GPR153: variants seen among roughly 807,000 people sequenced by gnomAD.
GPR153 encodes probable G protein-coupled receptor 153.
A neutral mutation model predicts 34.1 loss-of-function variants in GPR153; 27 were observed. The observed-to-expected ratio is 0.79, with a 90% CI of 0.58 to 1.09. GPR153 has a LOEUF of 1.09. GPR153 is among the 50% of genes least tolerant of loss of function. The pLI is 0.00. For missense variants in GPR153, 848 were observed against 860.2 expected, an observed-to-expected ratio of 0.99 and a Z score of 0.18; for synonymous variants, 408 against 405.4, an observed-to-expected ratio of 1.01 and a Z score of -0.08.
chr1:6,255,699 C>T (rs1448087464), intron 1 of GPR153, among the ~76,000 whole-genome samples: 1 of 128,326 alleles, frequency 7.8e-6, no homozygotes, highest in Non-Finnish European at 1.6e-5. Flanking sequence ...GTCACCCAGG[C>T]TGGAGTGCAA....
chr1:6,250,319 T>C (rs1471273827), intron 5 of GPR153, 121 bp downstream of exon 5: 1 of 1,447,516 alleles, frequency 6.9e-7, no homozygotes, highest in African/African-American at 1.4e-5. Context: ...CGTCCTCGGA[T>C]GGTGACAGCC....
At chr1:6,250,681 G>A in intron 4 of GPR153, 57 bp from the exon 5 acceptor site, 4 of 714,790 alleles carry the variant, frequency 5.6e-6, no homozygotes, top group East Asian at 3.5e-5. Flanking sequence ...AAACTTGGGG[G>A]CATCTGGGAG....
In GPR153 at chr1:6,250,392, A is replaced by T. The variant is rs986810364; in HGVS notation, c.1164+48T>A. 4 of 1,519,808 alleles carry T rather than the reference A, an allele frequency of 2.6e-6. No individual in the cohort carries two copies. In the African/African-American group the frequency reaches 5.5e-5, roughly 21 times the overall value. 94.1% of individuals were successfully genotyped at this position (1,519,808 alleles called of 1,614,324 possible). On this transcript the variant is annotated intron_variant, in intron 5 of 5. Coordinates refer to ENST00000377893, the MANE Select transcript of GPR153 (RefSeq NM_207370.4). Reference sequence around the variant, plus strand: ...GTGGAGAGGCCTCGGGGAGCTCAGGACACCCTGTCACCCGCAGGTGCGGCC... The same window carrying T: ...GTGGAGAGGCCTCGGGGAGCTCAGGTCACCCTGTCACCCGCAGGTGCGGCC...
At chr1:6,252,078 G>A (rs973076105) in intron 3 of GPR153, among the ~76,000 whole-genome samples, 1 of 152,116 alleles carries the variant, frequency 6.6e-6, no homozygotes, top group Non-Finnish European at 1.5e-5. Context: ...CCTGCTTTTG[G>A]GTCCCTGCAT....
Position 6,249,953 on chromosome 1 carries a change from G to A in GPR153, c.1215C>T (p.Ala405=). The change falls in exon 6 of 6, where the codon GCC becomes GCT. Residue 405 remains alanine (A), a synonymous_variant. Coordinates refer to ENST00000377893, the MANE Select transcript of GPR153 (RefSeq NM_207370.4). This position sits in a 1 kb window ranked among gnomAD's most constrained non-coding sequence, Gnocchi z 4.3. ...FSHDDADVWA[A]VPLPAFLPRW... is the part of the protein sequence containing the mutation. ...GCGGCAGGAAGGCGGGCAGCGGGAC[G>A]GCGGCCCACACGTCCGCATCGTCGT... 1 of 1,282,590 alleles carries A rather than the reference G, an allele frequency of 7.8e-7. No individual in the cohort carries two copies. Among genetic ancestry groups the A allele is most frequent in the Non-Finnish European group, 9.9e-7 (1 of 1,009,502 alleles). The allele number at this position is 1,282,590 out of a possible 1,614,324, so 79.5% of individuals were successfully genotyped here. A position where few individuals can be genotyped will look rare whatever the true frequency, so the allele number is the denominator to read the frequency against.
Position 6,249,411 on chromosome 1 carries a change from C to T in GPR153, c.1757G>A (p.Ser586Asn), listed in dbSNP as rs763997909. 3 of 1,376,132 alleles carry T rather than the reference C, an allele frequency of 2.2e-6. No homozygotes were observed. The highest frequency in any genetic ancestry group is 1.5e-5 in the African/African-American group (1 of 65,936). The allele number at this position is 1,376,132 out of a possible 1,614,324, so 85.2% of individuals were successfully genotyped here. ...GGACTCGGAGGGGGAACTCAGGAAG[C>T]TGCTGGTGCTGCCGCCGCCGCCCGC... is the stretch of plus-strand genomic sequence containing the variant. ...RAAGGGGSTS[S>N]FLSSPSESSG... is the part of the protein sequence containing the mutation. The change falls in exon 6 of 6, where the codon AGC (serine) becomes AAC (asparagine). Residue 586 changes from serine (S) to asparagine (N), a missense_variant. Transcript: ENST00000377893. The surrounding 1 kb of genome is among the most constrained non-coding windows in gnomAD (Gnocchi z 4.3).
In GPR153 at chr1:6,250,425, C is replaced by G; in HGVS notation, c.1164+15G>C. The G allele has an allele frequency of 6.4e-7, 1 of 1,562,210 alleles. No individual in the cohort carries two copies. The highest frequency in any genetic ancestry group is 1.2e-5 in the South Asian group (1 of 84,520). On this transcript the variant is annotated intron_variant, in intron 5 of 5. Coordinates refer to ENST00000377893, the MANE Select transcript of GPR153 (RefSeq NM_207370.4). ...TCACCCGCAGGTGCGGCCTCTCCCCCAGCCCTGCGCTCACCTGCAGGTATT... is the reference window on the plus strand; with the variant it reads ...TCACCCGCAGGTGCGGCCTCTCCCCGAGCCCTGCGCTCACCTGCAGGTATT...
rs1243433830 is a variant in GPR153, at chr1:6,249,252, C to G, written c.*86G>C. On this transcript the variant is annotated 3_prime_UTR_variant, in exon 6 of 6. Coordinates refer to ENST00000377893, the MANE Select transcript of GPR153 (RefSeq NM_207370.4). This position sits in a 1 kb window ranked among gnomAD's most constrained non-coding sequence, Gnocchi z 4.3. ...CTGGGAGGGGTGGCGCATGTCTGCG[C>G]GCGGGGCGGAGGCGGGCGTCTTTGG... The G allele has an allele frequency of 9.8e-7, 1 of 1,024,192 alleles. No homozygotes were observed. 63.4% of individuals were successfully genotyped at this position (1,024,192 alleles called of 1,614,324 possible).
At position 6,247,632 on chromosome 1, in the gene GPR153, CACAG is replaced by C. The variant is rs1557609041; in HGVS notation, c.*1702_*1705del. 1 of 152,252 alleles carries C rather than the reference CACAG, an allele frequency of 6.6e-6. No individual in the cohort carries two copies. The highest frequency in any genetic ancestry group is 1.9e-4 in the East Asian group (1 of 5,200). 9.4% of individuals were successfully genotyped at this position (152,252 alleles called of 1,614,324 possible). ...AAGTATTGCCGTTGGATATGAAACA[CACAG>C]AGCAAAACCCCAAGGTGACAAATGA... On this transcript the variant is annotated 3_prime_UTR_variant, in exon 6 of 6. Coordinates refer to ENST00000377893, the MANE Select transcript of GPR153 (RefSeq NM_207370.4).
At chr1:6,250,718 C>G in intron 4 of GPR153, 94 bp from the exon 5 acceptor site, 2 of 680,552 alleles carry the variant, frequency 2.9e-6, no homozygotes, top group South Asian at 3.7e-5. Flanking sequence ...CCCTGAGATC[C>G]CCCAACAGAC....
At chr1:6,257,199 G>T (rs1638586074) in intron 1 of GPR153, among the ~76,000 whole-genome samples, 1 of 152,202 alleles carries the variant, frequency 6.6e-6, no homozygotes, top group Admixed American at 6.5e-5. Flanking sequence ...CACAGCCCAT[G>T]CCAGAGCCCC....
At chr1:6,256,380 T>C (rs1374767590) in intron 1 of GPR153, among the ~76,000 whole-genome samples, 3 of 151,206 alleles carry the variant, frequency 2.0e-5, no homozygotes, top group Non-Finnish European at 4.4e-5. Context: ...CTTTTCTTTT[T>C]TTTTTTTTTA....
chr1:6,251,229 G>T lies in GPR153; in HGVS notation c.979+109C>A. On this transcript the variant is annotated intron_variant, in intron 4 of 5. Transcript: ENST00000377893. This position sits in a 1 kb window ranked among gnomAD's most constrained non-coding sequence, Gnocchi z 4.9. ...GTGACACGGGGTGTCTGGTGGTTGA[G>T]AATGAAGTCACCTCCTTAGTGGCGT... The T allele has an allele frequency of 1.2e-6, 1 of 859,638 alleles. No individual in the cohort carries two copies. The highest frequency in any genetic ancestry group is 1.8e-6 in the Non-Finnish European group (1 of 541,990). 53.3% of individuals were successfully genotyped at this position (859,638 alleles called of 1,614,324 possible). A position where few individuals can be genotyped will look rare whatever the true frequency, so the allele number is the denominator to read the frequency against.
intron 3 of GPR153, 36 bp downstream of exon 3, chr1:6,253,682 C>T: frequency 6.6e-7 from 1 of 1,508,150 alleles, no homozygotes; most frequent in Non-Finnish European, 8.9e-7. Context: ...AGGGCTGTCC[C>T]AGAGACAGGC....
Position 6,247,626 on chromosome 1 carries a change from G to A in GPR153, c.*1712C>T, listed in dbSNP as rs1469752245. 1 of 152,242 alleles carries A rather than the reference G, an allele frequency of 6.6e-6. No homozygotes were observed. Among genetic ancestry groups the A allele is most frequent in the Admixed American group, 6.5e-5 (1 of 15,274 alleles). 9.4% of individuals were successfully genotyped at this position (152,242 alleles called of 1,614,324 possible). On this transcript the variant is annotated 3_prime_UTR_variant, in exon 6 of 6. Transcript: ENST00000377893. ...CCCTGCAAGTATTGCCGTTGGATAT[G>A]AAACACACAGAGCAAAACCCCAAGG... is the stretch of plus-strand genomic sequence containing the variant.
At chr1:6,250,715 A>T (rs960100326) in intron 4 of GPR153, 91 bp from the exon 5 acceptor site, 1 of 683,530 alleles carries the variant, frequency 1.5e-6, no homozygotes, top group African/African-American at 1.8e-5. Flanking sequence ...TCCCCCTGAG[A>T]TCCCCCAACA....
At chr1:6,259,647 C>CA (rs1557617276) in intron 1 of GPR153, among the ~76,000 whole-genome samples, 1 of 152,038 alleles carries the variant, frequency 6.6e-6, no homozygotes, top group Non-Finnish European at 1.5e-5. Flanking sequence ...GGTTTGGGGC[C>CA]AGGCACTCCT....
At chr1:6,260,524 G>A (rs1167113632) in intron 1 of GPR153, among the ~76,000 whole-genome samples, 1 of 151,922 alleles carries the variant, frequency 6.6e-6, no homozygotes, top group East Asian at 1.9e-4. Flanking sequence ...GGACCCCTCT[G>A]GGTTGCGCCG....
chr1:6,258,849 T>C (rs977879089), intron 1 of GPR153, among the ~76,000 whole-genome samples: 1 of 151,956 alleles, frequency 6.6e-6, no homozygotes, highest in Non-Finnish European at 1.5e-5. Context: ...CCTGTCCATG[T>C]GTTGATTACT....
Sources: gnomAD v4.1 joint callset for allele counts (sites outside exome capture counted in the v4.1 genomes callset) on GRCh38, gnomAD v4.1.1 for gene constraint, Gnocchi (gnomAD v3.1) non-coding constraint, MANE v1.5 for transcripts, NCBI Gene and HGNC (gene_info 2026-07-23, HGNC 2026-07-21) for gene names.